ZDHHC7: variants seen among roughly 807,000 people sequenced by gnomAD.
ZDHHC7 encodes zDHHC palmitoyltransferase 7.
Under a neutral mutation model 34.1 loss-of-function variants are expected in ZDHHC7, and 12 were observed. That is an observed-to-expected ratio of 0.35 (90% CI 0.23 to 0.57). ZDHHC7 has a LOEUF of 0.57. Among genes scored for constraint, ZDHHC7 ranks in the 20% least tolerant of loss-of-function variants. The probability of loss-of-function intolerance (pLI) is 0.84; values close to 1 mark genes in which losing one functional copy is unlikely to be tolerated. For missense variants in ZDHHC7, 388 were observed against 402.7 expected, an observed-to-expected ratio of 0.96 and a Z score of 0.31; for synonymous variants, 185 against 155.4, an observed-to-expected ratio of 1.19 and a Z score of -1.42.
At chr16:84,984,347 A>T (rs1376193227) in intron 3 of ZDHHC7, among the ~76,000 whole-genome samples, 3 of 152,104 alleles carry the variant, frequency 2.0e-5, no homozygotes, top group African/African-American at 7.2e-5. Flanking sequence ...CTTTCCTCCA[A>T]CAATCTAGGG....
chr16:85,009,529 T>C (rs749946390), intron 1 of ZDHHC7, among the ~76,000 whole-genome samples: 4 of 150,810 alleles, frequency 2.7e-5, no homozygotes, highest in Non-Finnish European at 4.4e-5. Context: ...AGCGAATCCT[T>C]TGGGAATTAC....
At chr16:84,993,712 G>T (rs546294172) in intron 2 of ZDHHC7, among the ~76,000 whole-genome samples, 3 of 152,196 alleles carry the variant, frequency 2.0e-5, no homozygotes, top group East Asian at 1.9e-4. Context: ...AAAAACTAAA[G>T]ATCAAAAGAA....
At chr16:84,997,019 C>CT (rs1441197862) in intron 1 of ZDHHC7, among the ~76,000 whole-genome samples, 2 of 135,348 alleles carry the variant, frequency 1.5e-5, no homozygotes, top group Non-Finnish European at 1.5e-5. Flanking sequence ...GAGCAAGACT[C>CT]TGTCTCAAAA....
chr16:84,974,241 G>C lies in ZDHHC7; in HGVS notation c.*2102C>G, dbSNP rs778292696. 1 of 152,154 alleles carries C rather than the reference G, an allele frequency of 6.6e-6. No homozygotes were observed. The highest frequency in any genetic ancestry group is 1.5e-5 in the Non-Finnish European group (1 of 68,040). The allele number at this position is 152,154 out of a possible 1,614,324, so 9.4% of individuals were successfully genotyped here. On this transcript the variant is annotated 3_prime_UTR_variant, in exon 8 of 8. Coordinates refer to ENST00000313732, the MANE Select transcript of ZDHHC7 (RefSeq NM_017740.3). Reference sequence around the variant, plus strand: ...AAAAAAAGGACTAAGTAAAACGATGGGAGTCGAATTAAACATTCAACAAGC... The same window carrying C: ...AAAAAAAGGACTAAGTAAAACGATGCGAGTCGAATTAAACATTCAACAAGC...
At chr16:84,998,261 CA>C (rs537445063) in intron 1 of ZDHHC7, among the ~76,000 whole-genome samples, 24,574 of 100,328 alleles carry the variant, frequency 0.24, 2,894 homozygotes, top group African/African-American at 0.41. Flanking sequence ...GAGACTGTCT[CA>C]AAAAAAAAAA....
At chr16:85,016,367 T>A (rs2072834164), upstream of ZDHHC7, among the ~76,000 whole-genome samples, 2 of 151,982 alleles carry the variant, frequency 1.3e-5, no homozygotes, top group African/African-American at 4.8e-5. Flanking sequence ...TCTTTTATAT[T>A]TGCATTGCCT....
At chr16:84,983,420 G>C (rs376758111) in intron 3 of ZDHHC7, among the ~76,000 whole-genome samples, 13 of 152,146 alleles carry the variant, frequency 8.5e-5, no homozygotes, top group South Asian at 4.1e-4. Context: ...CAGCAGGTGA[G>C]CGCCCTGCAG....
intron 1 of ZDHHC7, among the ~76,000 whole-genome samples, chr16:85,001,739 T>G (rs2072655797): frequency 6.6e-6 from 1 of 151,978 alleles, no homozygotes; most frequent in Admixed American, 6.6e-5. Context: ...AGATCTTGGT[T>G]TGTTGTTGTT....
intron 1 of ZDHHC7, among the ~76,000 whole-genome samples, chr16:84,997,876 G>A (rs1445223979): frequency 4.7e-5 from 6 of 128,576 alleles, no homozygotes; most frequent in Middle Eastern, 5.3e-3. Context: ...CAGCCTGGGC[G>A]ACAGAGCGAG....
At chr16:85,007,455 G>C (rs1173341388) in intron 1 of ZDHHC7, among the ~76,000 whole-genome samples, 2 of 150,870 alleles carry the variant, frequency 1.3e-5, no homozygotes, top group African/African-American at 4.9e-5. Context: ...GAATGGAATG[G>C]AACTCAGAAG....
upstream of ZDHHC7, among the ~76,000 whole-genome samples, chr16:85,016,461 T>G (rs1473599081): frequency 6.6e-6 from 1 of 151,760 alleles, no homozygotes; most frequent in Non-Finnish European, 1.5e-5. Flanking sequence ...ATTAAAATCT[T>G]TGTTTGGTGA....
intron 7 of ZDHHC7, 123 bp downstream of exon 7, chr16:84,976,972 C>T: frequency 1.4e-6 from 2 of 1,408,380 alleles, no homozygotes; most frequent in Admixed American, 2.1e-5. Flanking sequence ...GGTTGCAGCT[C>T]ATCAAGACCG....
chr16:84,997,073 A>C (rs113525536), intron 1 of ZDHHC7, among the ~76,000 whole-genome samples: 126 of 152,052 alleles, frequency 8.3e-4, no homozygotes, highest in African/African-American at 2.9e-3. Context: ...AAAGAGCACA[A>C]AACAGAAATG....
At chr16:85,004,530 A>T (rs1433406802) in intron 1 of ZDHHC7, among the ~76,000 whole-genome samples, 2 of 131,410 alleles carry the variant, frequency 1.5e-5, no homozygotes, top group Admixed American at 1.6e-4. Flanking sequence ...ATAAAATCCC[A>T]CCCCACCCCC....
intron 3 of ZDHHC7, chr16:84,988,902 C>A (rs748270022): frequency 6.5e-7 from 1 of 1,548,744 alleles, no homozygotes; most frequent in Non-Finnish European, 8.7e-7. Context: ...GTAAAAATCG[C>A]TGAGCTGGAC....
At chr16:85,005,537 T>C (rs1294074540) in intron 1 of ZDHHC7, among the ~76,000 whole-genome samples, 3 of 152,192 alleles carry the variant, frequency 2.0e-5, no homozygotes, top group Non-Finnish European at 4.4e-5. Context: ...CCACAGCCAG[T>C]TAGGGTGGAG....
intron 1 of ZDHHC7, among the ~76,000 whole-genome samples, chr16:84,996,634 A>G (rs2072581386): frequency 6.6e-6 from 1 of 152,180 alleles, no homozygotes; most frequent in Non-Finnish European, 1.5e-5. Context: ...CCCAACAAGA[A>G]GGTCAGATTC....
chr16:85,011,071 C>T (rs1430073500), intron 1 of ZDHHC7, among the ~76,000 whole-genome samples: 1 of 152,256 alleles, frequency 6.6e-6, no homozygotes. Context: ...CGGGCCCTAT[C>T]CCGAGAGAGC....
chr16:85,018,142 A>G, the ZDHHC7 span, among the ~76,000 whole-genome samples: 4 of 152,182 alleles, frequency 2.6e-5, no homozygotes, highest in Non-Finnish European at 2.9e-5. Flanking sequence ...TCAGGGTCTT[A>G]TAAGTCCATA....
Sources: gnomAD v4.1 joint callset for allele counts (sites outside exome capture counted in the v4.1 genomes callset) on GRCh38, gnomAD v4.1.1 for gene constraint, MANE v1.5 for transcripts, NCBI Gene and HGNC (gene_info 2026-07-23, HGNC 2026-07-21) for gene names.